CMSS1: variants seen among roughly 807,000 people sequenced by gnomAD.
CMSS1 encodes cms1 ribosomal small subunit homolog, also known as protein CMSS1.
A neutral mutation model predicts 43.5 loss-of-function variants in CMSS1; 33 were observed. The ratio of observed to expected loss-of-function variants is 0.76; its 90% confidence interval spans 0.57 to 1.01. The LOEUF (loss-of-function observed/expected upper bound fraction) is 1.01. Ranked by LOEUF, CMSS1 falls within the 50% of genes least tolerant of loss-of-function variation. The pLI is 0.00. For synonymous variants in CMSS1, 115 were observed against 117.2 expected (o/e 0.98, Z 0.12); for missense variants, 313 against 326.4 (o/e 0.96, Z 0.32).
At chr3:100,105,989 A>G (rs1199491773) in intron 1 of CMSS1, among the ~76,000 whole-genome samples, 6 of 152,170 alleles carry the variant, frequency 3.9e-5, no homozygotes, top group Admixed American at 2.0e-4. Flanking sequence ...GATGGTGTGG[A>G]CAGAAAGTTG....
At chr3:100,138,571 A>G (rs1301206554) in intron 1 of CMSS1, among the ~76,000 whole-genome samples, 1 of 152,244 alleles carries the variant, frequency 6.6e-6, no homozygotes, top group African/African-American at 2.4e-5. Flanking sequence ...TTATGTGACC[A>G]ACAGACATAT....
intron 1 of CMSS1, among the ~76,000 whole-genome samples, chr3:100,049,601 C>T (rs1198296976): frequency 6.6e-6 from 1 of 152,124 alleles, no homozygotes; most frequent in Non-Finnish European, 1.5e-5. Context: ...AATAAGTTGA[C>T]CCTTGAACAA....
chr3:100,162,588 G>A (rs1229904991), intron 4 of CMSS1, among the ~76,000 whole-genome samples, 156 bp downstream of exon 4: 2 of 152,016 alleles, frequency 1.3e-5, no homozygotes, highest in Non-Finnish European at 2.9e-5. Flanking sequence ...CTAGAGGATC[G>A]CTTGAGCCCA....
chr3:99,976,131 C>T (rs1040452554), intron 1 of CMSS1, among the ~76,000 whole-genome samples: 3 of 152,016 alleles, frequency 2.0e-5, no homozygotes, highest in Non-Finnish European at 4.4e-5. Flanking sequence ...GTGGTTCGCC[C>T]GCCTCAGCCT....
At chr3:99,832,861 G>GT (rs532780860) in intron 1 of CMSS1, among the ~76,000 whole-genome samples, 1,654 of 133,792 alleles carry the variant, frequency 0.012, 43 homozygotes, top group Non-Finnish European at 0.017. Flanking sequence ...AAAAAAAGTT[G>GT]TTTTTTTTTT....
chr3:100,046,599 G>A (rs2065282878), intron 1 of CMSS1, among the ~76,000 whole-genome samples: 1 of 152,120 alleles, frequency 6.6e-6, no homozygotes, highest in African/African-American at 2.4e-5. Flanking sequence ...AGAGAGGTTA[G>A]CAAAAGAGGG....
chr3:100,034,839 C>T (rs906780854), intron 1 of CMSS1, among the ~76,000 whole-genome samples: 7 of 152,126 alleles, frequency 4.6e-5, no homozygotes, highest in African/African-American at 1.4e-4. Context: ...GATCAGTAAA[C>T]GGTATATACA....
intron 1 of CMSS1, among the ~76,000 whole-genome samples, chr3:99,977,845 A>G (rs1709015477): frequency 6.6e-6 from 1 of 152,200 alleles, no homozygotes; most frequent in African/African-American, 2.4e-5. Flanking sequence ...GGATCCAATA[A>G]GAGAAATCTG....
At chr3:99,887,312 C>T (rs535713747) in intron 1 of CMSS1, among the ~76,000 whole-genome samples, 46 of 152,038 alleles carry the variant, frequency 3.0e-4, no homozygotes, top group Non-Finnish European at 5.7e-4. Context: ...GGTAGATCTT[C>T]ATCAGAAGTT....
intron 1 of CMSS1, among the ~76,000 whole-genome samples, chr3:100,099,551 G>A (rs907457674): frequency 4.6e-5 from 7 of 152,092 alleles, no homozygotes; most frequent in Non-Finnish European, 8.8e-5. Flanking sequence ...CCTTAACTAA[G>A]TCATTTAACT....
intron 1 of CMSS1, among the ~76,000 whole-genome samples, chr3:99,931,590 A>G (rs2107663941): frequency 6.6e-6 from 1 of 152,298 alleles, no homozygotes; most frequent in Non-Finnish European, 1.5e-5. Flanking sequence ...TTGAAGGCCA[A>G]GTCTAGTATT....
chr3:99,899,953 T>C (rs1332954024), intron 1 of CMSS1, among the ~76,000 whole-genome samples: 3 of 152,252 alleles, frequency 2.0e-5, no homozygotes, highest in Non-Finnish European at 4.4e-5. Context: ...AGGTGCTAAA[T>C]ACGGTGTTCT....
intron 1 of CMSS1, among the ~76,000 whole-genome samples, chr3:99,856,174 A>G (rs908655230): frequency 2.0e-5 from 3 of 152,156 alleles, no homozygotes; most frequent in Non-Finnish European, 2.9e-5. Flanking sequence ...AAGGCTTTCT[A>G]TAGTTGTACC....
chr3:100,056,746 TC>T (rs2065470574), intron 1 of CMSS1, among the ~76,000 whole-genome samples: 1 of 149,546 alleles, frequency 6.7e-6, no homozygotes, highest in South Asian at 2.1e-4. Flanking sequence ...ACGCCTGTAA[TC>T]CCAGCCCTTT....
intron 1 of CMSS1, among the ~76,000 whole-genome samples, chr3:99,994,483 C>G (rs777637480): frequency 6.6e-6 from 1 of 152,052 alleles, no homozygotes; most frequent in African/African-American, 2.4e-5. Context: ...ACATGTTAGG[C>G]CACAAAACAA....
intron 8 of CMSS1, among the ~76,000 whole-genome samples, chr3:100,175,383 T>C (rs1244412195): frequency 6.6e-6 from 1 of 152,194 alleles, no homozygotes; most frequent in Non-Finnish European, 1.5e-5. Context: ...TAAAAGCATT[T>C]TGAAGCTGTT....
chr3:99,934,780 G>GC (rs2107667897), intron 1 of CMSS1, among the ~76,000 whole-genome samples: 1 of 152,296 alleles, frequency 6.6e-6, no homozygotes, highest in East Asian at 1.9e-4. Context: ...TAGATCATTT[G>GC]CCAGTGATGA....
At chr3:99,936,206 G>A (rs1176928162) in intron 1 of CMSS1, among the ~76,000 whole-genome samples, 1 of 151,834 alleles carries the variant, frequency 6.6e-6, no homozygotes, top group East Asian at 1.9e-4. Context: ...ATTTAATATG[G>A]TATCGAGGTA....
At chr3:100,013,433 C>G (rs945723565) in intron 1 of CMSS1, among the ~76,000 whole-genome samples, 3 of 149,792 alleles carry the variant, frequency 2.0e-5, no homozygotes, top group Admixed American at 2.0e-4. Context: ...TAGTAGAGAC[C>G]GGGTTTCCCC....
Sources: gnomAD v4.1 joint callset for allele counts (sites outside exome capture counted in the v4.1 genomes callset) on GRCh38, gnomAD v4.1.1 for gene constraint, MANE v1.5 for transcripts, NCBI Gene and HGNC (gene_info 2026-07-23, HGNC 2026-07-21) for gene names.